SLC37A2: variants seen among roughly 807,000 people sequenced by gnomAD.
SLC37A2 encodes glucose-6-phosphate exchanger SLC37A2.
Under a neutral mutation model 70.7 loss-of-function variants are expected in SLC37A2, and 59 were observed. The observed-to-expected ratio is 0.83, with a 90% CI of 0.68 to 1.04. The LOEUF is 1.04. Ranked by LOEUF, SLC37A2 falls within the 50% of genes least tolerant of loss-of-function variation. The pLI is 0.00. For synonymous variants in SLC37A2, 257 were observed against 262.1 expected, an observed-to-expected ratio of 0.98 and a Z score of 0.19; for missense variants, 580 against 658.1, an observed-to-expected ratio of 0.88 and a Z score of 1.30.
chr11:125,072,811 A>G (rs994945138), intron 1 of SLC37A2, among the ~76,000 whole-genome samples: 1 of 152,106 alleles, frequency 6.6e-6, no homozygotes, highest in Non-Finnish European at 1.5e-5. Flanking sequence ...ACACCTGACA[A>G]TGGGGAATGG....
chr11:125,085,065 G>T lies in SLC37A2; in HGVS notation c.1175-1G>T. On this transcript the variant is annotated splice_acceptor_variant, in intron 13 of 17. Transcript: ENST00000403796. LOFTEE classifies it high-confidence loss of function. ...GACTGGCTGTCTCTATGCTGTCCCA[G>T]TGATGCTGATCATCTGTGGGGGCCT... is the stretch of plus-strand genomic sequence containing the variant. 6.2e-7 allele frequency: 1 copy of T among 1,614,048 alleles called. No individual in the cohort carries two copies. Among genetic ancestry groups the T allele is most frequent in the Non-Finnish European group, 8.5e-7 (1 of 1,179,950 alleles).
In SLC37A2 at chr11:125,063,455, C is replaced by A. The variant is rs12791554; in HGVS notation, c.59+29C>A. On this transcript the variant is annotated intron_variant, in intron 1 of 17. Coordinates refer to ENST00000403796, the MANE Select transcript of SLC37A2 (RefSeq NM_001145290.2). The surrounding 1 kb of genome is among the most constrained non-coding windows in gnomAD (Gnocchi z 5.4). ...AGCGGGGCAGGGGAGGGAGGCGTGC[C>A]GGGACCTCCTGGGCTCGGGGCTTGC... 94 of 1,599,444 alleles carry A rather than the reference C, an allele frequency of 5.9e-5. 1 individual carries two copies. The highest frequency in any genetic ancestry group is 2.7e-5 in the African/African-American group (2 of 74,120).
At chr11:125,082,812 G>A (rs144657753) in intron 10 of SLC37A2, among the ~76,000 whole-genome samples, 174 of 152,282 alleles carry the variant, frequency 1.1e-3, no homozygotes, top group African/African-American at 3.9e-3. Flanking sequence ...TAATGTGATC[G>A]ATGCCCCTGT....
chr11:125,087,114 G>C (rs1227782613), intron 17 of SLC37A2: 6 of 152,808 alleles, frequency 3.9e-5, no homozygotes, highest in Non-Finnish European at 7.3e-5. Context: ...GCCTGAGGGT[G>C]GGAAGGGAAG....
rs1460496824 is a variant in SLC37A2 at position 125,063,799 on chromosome 11, A to G, written c.59+373A>G. On this transcript the variant is annotated intron_variant, in intron 1 of 17. Coordinates refer to ENST00000403796, the MANE Select transcript of SLC37A2 (RefSeq NM_001145290.2). This position sits in a 1 kb window ranked among gnomAD's most constrained non-coding sequence, Gnocchi z 5.4. ...GGAACCTGGGCTCGAAGGCTGGGGAACCGAGGCCAGGGGATGGTAGAGGAA... is the reference window on the plus strand; with the variant it reads ...GGAACCTGGGCTCGAAGGCTGGGGAGCCGAGGCCAGGGGATGGTAGAGGAA... Among the ~76,000 whole-genome samples, 2 of 152,192 alleles carry G rather than the reference A, an allele frequency of 1.3e-5. No homozygotes were observed. The highest frequency in any genetic ancestry group is 4.8e-5 in the African/African-American group (2 of 41,464).
At chr11:125,077,115 A>C in intron 2 of SLC37A2, 115 bp from the exon 3 acceptor site, 1 of 857,878 alleles carries the variant, frequency 1.2e-6, no homozygotes, top group East Asian at 2.4e-5. Flanking sequence ...AGGAGGTGCC[A>C]GTAGCGGGGA....
chr11:125,066,678 A>G (rs1297166452), intron 1 of SLC37A2, among the ~76,000 whole-genome samples: 4 of 152,206 alleles, frequency 2.6e-5, no homozygotes, highest in East Asian at 1.9e-4. Context: ...GTCTAAAAAT[A>G]TAAGGTTAAT....
At chr11:125,086,879 T>C (rs554882354) in intron 17 of SLC37A2, 4 of 160,232 alleles carry the variant, frequency 2.5e-5, no homozygotes, top group African/African-American at 9.6e-5. Context: ...GGATGGCAAA[T>C]GTGAGGAGGA....
At chr11:125,082,023 G>A in intron 9 of SLC37A2, 117 bp downstream of exon 9, 2 of 1,261,204 alleles carry the variant, frequency 1.6e-6, no homozygotes, top group Non-Finnish European at 2.2e-6. Context: ...TAGGGGAGGT[G>A]TAAGTTGGGC....
chr11:125,080,326 G>A lies in SLC37A2; in HGVS notation c.528-288G>A, dbSNP rs372909827. 2.0e-5 allele frequency among the ~76,000 whole-genome samples: 3 copies of A among 152,340 alleles called. No individual in the cohort carries two copies. Among genetic ancestry groups the A allele is most frequent in the South Asian group, 4.1e-4 (2 of 4,830 alleles). On this transcript the variant is annotated intron_variant, in intron 6 of 17. Coordinates refer to ENST00000403796, the MANE Select transcript of SLC37A2 (RefSeq NM_001145290.2). This position sits in a 1 kb window ranked among gnomAD's most constrained non-coding sequence, Gnocchi z 4.3. ...TTTAGAGTGAGATCGTGGGACAGAA[G>A]AGAAGAACGAGGGCCGGGGCCCCCA...
Position 125,077,490 on chromosome 11 carries a change from C to T in SLC37A2, c.276C>T (p.Asn92=), listed in dbSNP as rs146902663. ...NYKELLGGVD[N]AFLIAYAIGM... is the part of the protein sequence containing the mutation. ...AGGAGTTACTAGGGGGCGTGGACAA[C>T]GCCTTCCTCATCGCCTATGCCATCG... Residue 92 remains asparagine (N), a synonymous_variant, in exon 4 of 18, where the codon AAC becomes AAT. Coordinates refer to ENST00000403796, the MANE Select transcript of SLC37A2 (RefSeq NM_001145290.2). 5.8e-5 allele frequency: 93 copies of T among 1,613,926 alleles called. 1 individual carries two copies. Among genetic ancestry groups the T allele is most frequent in the Middle Eastern group, 3.3e-4 (2 of 6,062 alleles).
chr11:125,063,386 C>G lies in SLC37A2; in HGVS notation c.19C>G (p.Pro7Ala). The G allele has an allele frequency of 6.2e-7, 1 of 1,612,012 alleles. No homozygotes were observed. The highest frequency in any genetic ancestry group is 2.2e-5 in the East Asian group (1 of 44,776). Reference sequence around the variant, plus strand: ...AGGCAAAATGCGGTCCTCCCTGGCTCCGGGAGTCTGGTTCTTCCGGGCCTT... The same window carrying G: ...AGGCAAAATGCGGTCCTCCCTGGCTGCGGGAGTCTGGTTCTTCCGGGCCTT... The part of the protein sequence containing the change: MRSSLA[P>A]GVWFFRAFSR... The change falls in exon 1 of 18, where the codon CCG becomes GCG. Residue 7 changes from proline to alanine, a missense_variant. Pro to Ala is a conservative substitution (Grantham distance 27). Transcript: ENST00000403796. This position sits in a 1 kb window ranked among gnomAD's most constrained non-coding sequence, Gnocchi z 5.4.
intron 1 of SLC37A2, among the ~76,000 whole-genome samples, chr11:125,070,324 G>T (rs927114475): frequency 1.1e-4 from 17 of 152,180 alleles, no homozygotes; most frequent in Non-Finnish European, 1.5e-4. Context: ...AGGACGCAGG[G>T]GAAAGACATT....
chr11:125,063,487 C>T lies in SLC37A2; in HGVS notation c.59+61C>T, dbSNP rs1400331503. Reference sequence around the variant, plus strand: ...TCCTGGGCTCGGGGCTTGCAGGGGCCGCGGGGGGCCTCGGAGATCACCCCA... The same window carrying T: ...TCCTGGGCTCGGGGCTTGCAGGGGCTGCGGGGGGCCTCGGAGATCACCCCA... On this transcript the variant is annotated intron_variant, in intron 1 of 17. Coordinates refer to ENST00000403796, the MANE Select transcript of SLC37A2 (RefSeq NM_001145290.2). The surrounding 1 kb of genome is among the most constrained non-coding windows in gnomAD (Gnocchi z 5.4). 2 of 1,486,684 alleles carry T rather than the reference C, an allele frequency of 1.3e-6. No individual in the cohort carries two copies. Among genetic ancestry groups the T allele is most frequent in the South Asian group, 1.2e-5 (1 of 83,948 alleles). The allele number at this position is 1,486,684 out of a possible 1,614,324, so 92.1% of individuals were successfully genotyped here. A position where few individuals can be genotyped will look rare whatever the true frequency, so the allele number is the denominator to read the frequency against.
intron 1 of SLC37A2, among the ~76,000 whole-genome samples, chr11:125,065,214 T>G (rs1426638107): frequency 6.6e-6 from 1 of 152,208 alleles, no homozygotes; most frequent in African/African-American, 2.4e-5. Context: ...AATACATTGT[T>G]TTTCTACAGT....
At chr11:125,086,380 A>G (rs1282930141) in intron 17 of SLC37A2, 1 of 839,272 alleles carries the variant, frequency 1.2e-6, no homozygotes, top group Non-Finnish European at 2.0e-6. Context: ...GCCAGTTGTA[A>G]AGACTTTCAA....
intron 1 of SLC37A2, among the ~76,000 whole-genome samples, chr11:125,074,127 C>T (rs1469394301): frequency 2.0e-5 from 3 of 152,084 alleles, no homozygotes; most frequent in Non-Finnish European, 4.4e-5. Context: ...CATTTCACAC[C>T]TCCGTGCCTT....
intron 16 of SLC37A2, 62 bp downstream of exon 16, chr11:125,085,736 C>A (rs1292602490): frequency 9.0e-6 from 14 of 1,560,824 alleles, no homozygotes; most frequent in South Asian, 2.2e-5. Context: ...AGACTGGAAC[C>A]CTGGAGGTCC....
Position 125,081,564 on chromosome 11 carries a change from A to AC in SLC37A2, c.732+108dup, listed in dbSNP as rs1591633141. The AC allele has an allele frequency of 7.0e-6, 10 of 1,432,200 alleles. No homozygotes were observed. In the East Asian group the frequency reaches 2.3e-4, roughly 33 times the overall value. The allele number at this position is 1,432,200 out of a possible 1,614,324, so 88.7% of individuals were successfully genotyped here. A position where few individuals can be genotyped will look rare whatever the true frequency, so the allele number is the denominator to read the frequency against. ...GAGCAGGGAGTTCTGGCCCTCACTG[A>AC]CCTCACCGACCCAGTGCTAGGCCCA... is the stretch of plus-strand genomic sequence containing the variant. On this transcript the variant is annotated intron_variant, in intron 8 of 17. Coordinates refer to ENST00000403796, the MANE Select transcript of SLC37A2 (RefSeq NM_001145290.2).
Sources: allele counts gnomAD v4.1 joint callset (sites outside exome capture counted in the v4.1 genomes callset), GRCh38; gene constraint gnomAD v4.1.1; non-coding constraint Gnocchi (gnomAD v3.1); transcripts MANE v1.5; gene names NCBI Gene and HGNC (gene_info 2026-07-23, HGNC 2026-07-21).